The following ZFPM2 variants were observed in gnomAD, a reference collection of about 807,000 sequenced individuals.
The protein encoded by ZFPM2 is zinc finger protein ZFPM2.
In ZFPM2, 20 loss-of-function variants were observed where a neutral mutation model predicts 98.6. That is an observed-to-expected ratio of 0.20 (90% CI 0.14 to 0.29). The LOEUF is 0.29. Ranked by LOEUF, ZFPM2 falls within the 10% of genes least tolerant of loss-of-function variation. ZFPM2 has a pLI of 1.00. For synonymous variants in ZFPM2, 518 were observed against 502.7 expected (o/e 1.03, Z -0.41); for missense variants, 1,310 against 1,388.6 (o/e 0.94, Z 0.90).
At chr8:105,445,745 C>T (rs929330231) in intron 3 of ZFPM2, among the ~76,000 whole-genome samples, 1 of 151,792 alleles carries the variant, frequency 6.6e-6, no homozygotes, top group Non-Finnish European at 1.5e-5. Flanking sequence ...GCTGGGACTT[C>T]AGGCATGCAC....
At position 105,617,304 on chromosome 8, in the gene ZFPM2, G is replaced by A. The variant is rs186358902; in HGVS notation, c.421-16942G>A. Among the ~76,000 whole-genome samples, 17 of 152,080 alleles carry A rather than the reference G, an allele frequency of 1.1e-4. No homozygotes were observed. The East Asian group carries it at 2.3e-3, about 21-fold the overall frequency. On this transcript the variant is annotated intron_variant, in intron 4 of 7. Coordinates refer to ENST00000407775, the MANE Select transcript of ZFPM2 (RefSeq NM_012082.4). ...ATTTCCACCCTGTGCTCTTTACTGA[G>A]GCTTCTTTTTGTCTTCCCAGTTTAA...
intron 5 of ZFPM2, among the ~76,000 whole-genome samples, chr8:105,696,330 C>T (rs73305006): frequency 0.075 from 11,362 of 152,168 alleles, 470 homozygotes; most frequent in Middle Eastern, 0.15. Flanking sequence ...CTTATATGAT[C>T]GTGGACATCC....
chr8:105,542,294 G>C (rs1814592527), intron 3 of ZFPM2, among the ~76,000 whole-genome samples: 1 of 152,090 alleles, frequency 6.6e-6, no homozygotes, highest in Non-Finnish European at 1.5e-5. Context: ...TCTCCCCTTT[G>C]AATTGTATGA....
chr8:105,694,011 G>A (rs1810955921), intron 5 of ZFPM2, among the ~76,000 whole-genome samples: 1 of 122,752 alleles, frequency 8.1e-6, no homozygotes, highest in Admixed American at 9.2e-5. Flanking sequence ...TTGAGATGGA[G>A]TCTCACACTC....
At chr8:105,343,174 C>T (rs1487321638) in intron 1 of ZFPM2, among the ~76,000 whole-genome samples, 1 of 151,996 alleles carries the variant, frequency 6.6e-6, no homozygotes, top group African/African-American at 2.4e-5. Flanking sequence ...TTATTAAGTA[C>T]AGGATGGGAA....
intron 5 of ZFPM2, among the ~76,000 whole-genome samples, chr8:105,735,444 C>A (rs1812044791): frequency 6.6e-6 from 1 of 151,766 alleles, no homozygotes; most frequent in Non-Finnish European, 1.5e-5. Flanking sequence ...TTTATAAAAA[C>A]AACTCAGTTT....
rs113912707 is a variant in ZFPM2 at position 105,550,708 on chromosome 8, A to G, written c.302-10655A>G. Among the ~76,000 whole-genome samples the G allele has an allele frequency of 4.7e-4, 72 of 152,298 alleles. 1 individual carries two copies. Among genetic ancestry groups the G allele is most frequent in the African/African-American group, 1.7e-3 (69 of 41,562 alleles). ...TCACCTCTGAACTTCTGACAAGGAG[A>G]GGCTGTGTGAATCAGGGAAGTGTTC... On this transcript the variant is annotated intron_variant, in intron 3 of 7. Transcript: ENST00000407775.
intron 1 of ZFPM2, among the ~76,000 whole-genome samples, chr8:105,330,621 T>TTC (rs1812211871): frequency 9.6e-6 from 1 of 104,626 alleles, no homozygotes; most frequent in Non-Finnish European, 2.0e-5. Flanking sequence ...CACATATATA[T>TTC]ATATATATAT....
chr8:105,434,605 T>G (rs1243830927), intron 2 of ZFPM2, among the ~76,000 whole-genome samples: 1 of 152,210 alleles, frequency 6.6e-6, no homozygotes, highest in Admixed American at 6.5e-5. Context: ...ATATGTGATA[T>G]CTATTCTCTG....
At chr8:105,444,475 T>C (rs1206584497) in intron 3 of ZFPM2, 94 bp downstream of exon 3, 2 of 803,964 alleles carry the variant, frequency 2.5e-6, no homozygotes, top group African/African-American at 3.5e-5. Flanking sequence ...TTGCAAAAAA[T>C]GTTTTTGTGT....
chr8:105,342,654 T>C (rs551668835), intron 1 of ZFPM2, among the ~76,000 whole-genome samples: 34 of 151,666 alleles, frequency 2.2e-4, no homozygotes, highest in Middle Eastern at 6.8e-3. Flanking sequence ...TTACTTTAAA[T>C]TGAAAACAAC....
chr8:105,710,346 T>C (rs1457501746), intron 5 of ZFPM2, among the ~76,000 whole-genome samples: 3 of 152,110 alleles, frequency 2.0e-5, no homozygotes, highest in Non-Finnish European at 2.9e-5. Flanking sequence ...GACCACTGAA[T>C]TAGAAGGAGG....
intron 3 of ZFPM2, among the ~76,000 whole-genome samples, chr8:105,459,334 G>A (rs574156067): frequency 6.6e-6 from 1 of 152,194 alleles, no homozygotes; most frequent in East Asian, 1.9e-4. Flanking sequence ...GGCAGGGGAG[G>A]GTGCTTTGTC....
At chr8:105,529,234 A>G (rs1315217185) in intron 3 of ZFPM2, among the ~76,000 whole-genome samples, 3 of 152,026 alleles carry the variant, frequency 2.0e-5, no homozygotes, top group Admixed American at 1.3e-4. Flanking sequence ...TTATTAGATT[A>G]TTGCTCACAG....
intron 4 of ZFPM2, 39 bp downstream of exon 4, chr8:105,561,520 G>A (rs757308566): frequency 4.1e-6 from 6 of 1,468,278 alleles, no homozygotes; most frequent in African/African-American, 1.4e-5. Context: ...TTTTGTCATC[G>A]ACTGTTAGTA....
intron 1 of ZFPM2, among the ~76,000 whole-genome samples, chr8:105,377,422 G>A (rs543467855): frequency 1.3e-5 from 2 of 152,042 alleles, no homozygotes; most frequent in African/African-American, 4.8e-5. Flanking sequence ...GCCTATAAGA[G>A]TACCTGTTAT....
At chr8:105,547,702 ATCT>A (rs1313235644) in intron 3 of ZFPM2, among the ~76,000 whole-genome samples, 1 of 152,132 alleles carries the variant, frequency 6.6e-6, no homozygotes, top group Non-Finnish European at 1.5e-5. Context: ...ATTTATACCT[ATCT>A]TCTTTAGAAA....
intron 3 of ZFPM2, among the ~76,000 whole-genome samples, chr8:105,526,716 T>A (rs1814181660): frequency 6.6e-6 from 1 of 152,182 alleles, no homozygotes; most frequent in South Asian, 2.1e-4. Flanking sequence ...ATCAAATATT[T>A]ATAAGAGCAA....
At chr8:105,658,196 G>A (rs1388927463) in intron 5 of ZFPM2, among the ~76,000 whole-genome samples, 1 of 152,128 alleles carries the variant, frequency 6.6e-6, no homozygotes, top group African/African-American at 2.4e-5. Context: ...CATTTTGACT[G>A]AACGAGTTCT....
Sources: allele counts gnomAD v4.1 joint callset (sites outside exome capture counted in the v4.1 genomes callset), GRCh38; gene constraint gnomAD v4.1.1; transcripts MANE v1.5; gene names NCBI Gene and HGNC (gene_info 2026-07-23, HGNC 2026-07-21).